Variants in ARSG observed in about 807,000 individuals in gnomAD.
ARSG encodes the protein ASG.
Under a neutral mutation model 50.5 loss-of-function variants are expected in ARSG, and 37 were observed. The ratio of observed to expected loss-of-function variants is 0.73; its 90% CI spans 0.56 to 0.96. The LOEUF is 0.96. Ranked by LOEUF, ARSG falls within the 50% of genes least tolerant of loss-of-function variation. ARSG has a pLI of 0.00. For synonymous variants in ARSG, 225 were observed against 254.6 expected, an observed-to-expected ratio of 0.88 and a Z score of 1.11; for missense variants, 629 against 675.3, an observed-to-expected ratio of 0.93 and a Z score of 0.76.
rs760999391 is a variant in ARSG, at chr17:68,385,127, G to A, written c.1046G>A (p.Trp349Ter). The change falls in exon 9 of 12, where the codon TGG becomes TAG. Residue 349 changes from tryptophan (W) to a stop codon, truncating the protein, a stop_gained. Transcript: ENST00000621439. LOFTEE classifies it high-confidence loss of function. ...GGHRVPALAYWPGRVPVNVTS... is the reference protein window; with the variant it reads ...GGHRVPALAY ...CACCGGGTCCCAGCACTGGCTTACTGGCCTGGCAGAGTTCCAGTTAATGTC... is the reference window on the plus strand; with the variant it reads ...CACCGGGTCCCAGCACTGGCTTACTAGCCTGGCAGAGTTCCAGTTAATGTC... 3 of 1,613,964 alleles carry A rather than the reference G, an allele frequency of 1.9e-6. No individual in the cohort carries two copies. The highest frequency in any genetic ancestry group is 2.7e-5 in the African/African-American group (2 of 74,908).
chr17:68,301,904 C>T (rs782647348), intron 1 of ARSG, among the ~76,000 whole-genome samples: 5 of 151,954 alleles, frequency 3.3e-5, no homozygotes, highest in South Asian at 2.1e-4. Flanking sequence ...TGTGTTTTCT[C>T]GATGAGATTG....
the ARSG span, among the ~76,000 whole-genome samples, chr17:68,442,093 CTGTT>C: frequency 3.9e-5 from 6 of 152,188 alleles, no homozygotes; most frequent in African/African-American, 1.4e-4. Flanking sequence ...TATTTTCTCT[CTGTT>C]TAAGCTGCAG....
chr17:68,420,117 C>T (rs749469180), intron 11 of ARSG, 72 bp from the exon 12 acceptor site: 17 of 1,529,658 alleles, frequency 1.1e-5, no homozygotes, highest in South Asian at 6.0e-5. Context: ...TAGAATCACT[C>T]GCAGCTCTCG....
intron 1 of ARSG, among the ~76,000 whole-genome samples, chr17:68,264,712 C>T (rs1318165883): frequency 1.3e-5 from 2 of 151,836 alleles, no homozygotes; most frequent in Non-Finnish European, 2.9e-5. Flanking sequence ...GCTGGGATTA[C>T]AGGCGTGAGC....
rs150660553 is a variant in ARSG at position 68,337,970 on chromosome 17, G to A, written c.219-5634G>A. 2.6e-3 allele frequency among the ~76,000 whole-genome samples: 397 copies of A among 152,154 alleles called. 2 individuals carry two copies. The highest frequency in any genetic ancestry group is 9.2e-3 in the African/African-American group (382 of 41,498). ...CATTCCTAGAATCCCAGCACCGCTC[G>A]CTCCAGGAAACTTCTGTTTCAGGCA... On this transcript the variant is annotated intron_variant, in intron 2 of 11. Transcript: ENST00000621439.
intron 3 of ARSG, among the ~76,000 whole-genome samples, chr17:68,345,255 C>G (rs772010265): frequency 6.6e-6 from 1 of 152,126 alleles, no homozygotes; most frequent in Non-Finnish European, 1.5e-5. Context: ...GAGGATCCCT[C>G]GAGCCCAGGA....
Position 68,262,170 on chromosome 17 carries a change from C to CAAA in ARSG, c.-552+2756_-552+2758dup, listed in dbSNP as rs35446089. Among the ~76,000 whole-genome samples, 668 of 138,200 alleles carry CAAA rather than the reference C, an allele frequency of 4.8e-3. 6 individuals carry two copies. The highest frequency in any genetic ancestry group is 0.017 in the African/African-American group (645 of 38,668). 90.7% of individuals were successfully genotyped at this position (138,200 alleles called of 152,430 possible). ...AAACTCCATCTCAAACGAAAACAAACAAAAAAAAAAAAAAGAAAGGGCCGG... is the reference window on the plus strand; with the variant it reads ...AAACTCCATCTCAAACGAAAACAAACAAAAAAAAAAAAAAAAAGAAAGGGCCGG... On this transcript the variant is annotated intron_variant, in intron 1 of 11. Coordinates refer to the ARSG transcript ENST00000448504.
intron 2 of ARSG, among the ~76,000 whole-genome samples, chr17:68,322,053 C>T (rs559427041): frequency 2.0e-5 from 3 of 152,090 alleles, no homozygotes; most frequent in Non-Finnish European, 4.4e-5. Flanking sequence ...ATAAAGGAAA[C>T]GAGATTGTTT....
intron 2 of ARSG, among the ~76,000 whole-genome samples, chr17:68,341,495 C>A (rs1314580126): frequency 1.3e-5 from 2 of 152,128 alleles, no homozygotes; most frequent in African/African-American, 4.8e-5. Context: ...CATAACAGTC[C>A]CATCTTTTAG....
intron 1 of ARSG, among the ~76,000 whole-genome samples, chr17:68,264,398 G>T (rs2075119389): frequency 6.6e-6 from 1 of 152,090 alleles, no homozygotes; most frequent in Non-Finnish European, 1.5e-5. Flanking sequence ...GACACATTTT[G>T]TATTAGTTAC....
At chr17:68,374,652 G>C (rs2080053597) in intron 8 of ARSG, among the ~76,000 whole-genome samples, 2 of 152,100 alleles carry the variant, frequency 1.3e-5, no homozygotes, top group Admixed American at 1.3e-4. Flanking sequence ...AGGAGTTCAA[G>C]ACCAGTCTGG....
intron 11 of ARSG, among the ~76,000 whole-genome samples, chr17:68,402,348 G>A (rs1433143210): frequency 2.7e-5 from 4 of 150,214 alleles, no homozygotes; most frequent in Admixed American, 1.3e-4. Flanking sequence ...GGGTTCAAGC[G>A]ATTCTCCTGC....
At position 68,307,457 on chromosome 17, in the gene ARSG, C is replaced by A; in HGVS notation, c.-37C>A. On this transcript the variant is annotated 5_prime_UTR_variant, in exon 2 of 12. Coordinates refer to ENST00000621439, the MANE Select transcript of ARSG (RefSeq NM_001267727.2). ...CAGAAAAATCTCTAGTGGTGGCTGC[C>A]GTCGCTCCAGACAATCGGAATCCTG... 6.5e-7 allele frequency: 1 copy of A among 1,539,922 alleles called. No individual in the cohort carries two copies. Among genetic ancestry groups the A allele is most frequent in the East Asian group, 2.3e-5 (1 of 44,250 alleles).
rs563751175 is a variant in ARSG, at chr17:68,335,615, C to T, written c.219-7989C>T. The stretch of plus-strand genomic sequence containing the variant: ...ATAATTACATGGAGAAGGGAGACCC[C>T]GCTTCTGTGCGGGTATTGGGGCGTG... On this transcript the variant is annotated intron_variant, in intron 2 of 11. Transcript: ENST00000621439. 5.3e-5 allele frequency among the ~76,000 whole-genome samples: 8 copies of T among 152,072 alleles called. No individual in the cohort carries two copies. The South Asian group carries it at 1.5e-3, about 28-fold the overall frequency.
intron 1 of ARSG, chr17:68,274,297 C>G (rs2075440181): frequency 5.2e-6 from 2 of 387,938 alleles, no homozygotes; most frequent in Non-Finnish European, 9.5e-6. Flanking sequence ...GAAACCCCGT[C>G]TCTACAAAAA....
At chr17:68,433,456 C>T in the ARSG span, 28 of 1,612,038 alleles carry the variant, frequency 1.7e-5, no homozygotes, top group South Asian at 2.0e-4. Context: ...TGGTGCCCCG[C>T]GGAGTACTTG....
the ARSG span, among the ~76,000 whole-genome samples, chr17:68,433,956 T>C: frequency 6.6e-6 from 1 of 151,982 alleles, no homozygotes; most frequent in Non-Finnish European, 1.5e-5. Flanking sequence ...CTAATTTTTG[T>C]ATTTTTAGTA....
intron 1 of ARSG, among the ~76,000 whole-genome samples, chr17:68,276,577 T>C (rs2075529225): frequency 6.6e-6 from 1 of 152,112 alleles, no homozygotes; most frequent in Non-Finnish European, 1.5e-5. Context: ...GCCTCCTGAG[T>C]AGCTGGGATC....
intron 3 of ARSG, among the ~76,000 whole-genome samples, chr17:68,345,540 C>T (rs2078464481): frequency 6.6e-6 from 1 of 152,188 alleles, no homozygotes; most frequent in South Asian, 2.1e-4. Context: ...TTTGCACATC[C>T]TGGGCAGGAT....
Sources: allele counts gnomAD v4.1 joint callset (sites outside exome capture counted in the v4.1 genomes callset), GRCh38; gene constraint gnomAD v4.1.1; transcripts MANE v1.5; gene names NCBI Gene and HGNC (gene_info 2026-07-23, HGNC 2026-07-21).